The following AKT3 variants were observed in gnomAD, a reference collection of about 807,000 sequenced individuals.
AKT3 encodes the protein AKT serine/threonine kinase 3, also known as RAC-gamma serine/threonine-protein kinase.
Under a neutral mutation model 65.3 loss-of-function variants are expected in AKT3, and 15 were observed. The ratio of observed to expected loss-of-function variants is 0.23; its 90% CI spans 0.15 to 0.35. The LOEUF (loss-of-function observed/expected upper bound fraction) is 0.35. Ranked by LOEUF, AKT3 falls within the 10% of genes least tolerant of loss-of-function variation. AKT3 has a pLI of 1.00. For missense variants in AKT3, 243 were observed against 576.5 expected (o/e 0.42, Z 5.92); for synonymous variants, 206 against 183.8 (o/e 1.12, Z -0.98).
At chr1:243,640,116 C>T (rs1680261750) in intron 5 of AKT3, among the ~76,000 whole-genome samples, 1 of 151,964 alleles carries the variant, frequency 6.6e-6, no homozygotes, top group Non-Finnish European at 1.5e-5. Flanking sequence ...ATCTCTAGTT[C>T]AAAGATAAAG....
At chr1:243,847,596 G>C (rs557833077) in intron 1 of AKT3, among the ~76,000 whole-genome samples, 51 of 152,202 alleles carry the variant, frequency 3.4e-4, no homozygotes, top group Middle Eastern at 6.8e-3. Context: ...AAAAGCTACA[G>C]CTTAAAAAAT....
chr1:243,674,836 A>G (rs1683392107), intron 3 of AKT3, among the ~76,000 whole-genome samples: 1 of 152,196 alleles, frequency 6.6e-6, no homozygotes, highest in East Asian at 1.9e-4. Flanking sequence ...CTTTTAAAAA[A>G]ATTTTCAATT....
At chr1:243,521,062 C>T (rs1460033521) in intron 12 of AKT3, among the ~76,000 whole-genome samples, 4 of 152,276 alleles carry the variant, frequency 2.6e-5, no homozygotes, top group Non-Finnish European at 5.9e-5. Context: ...TAACAAGTCA[C>T]GTGCTACTAT....
chr1:243,555,060 G>A (rs1475139562), intron 10 of AKT3, among the ~76,000 whole-genome samples: 2 of 151,974 alleles, frequency 1.3e-5, no homozygotes, highest in East Asian at 3.9e-4. Context: ...AATGAATATC[G>A]ATTCTTAAAA....
intron 10 of AKT3, among the ~76,000 whole-genome samples, chr1:243,555,548 T>C (rs1047240980): frequency 2.0e-5 from 3 of 152,324 alleles, no homozygotes; most frequent in East Asian, 1.9e-4. Flanking sequence ...TATTATTCTA[T>C]AAATACATAA....
chr1:243,770,267 T>C (rs1690094860), intron 2 of AKT3, among the ~76,000 whole-genome samples: 1 of 152,136 alleles, frequency 6.6e-6, no homozygotes, highest in African/African-American at 2.4e-5. Flanking sequence ...CCATCAATAG[T>C]AAAATGATAG....
At chr1:243,634,645 G>T (rs1284244178) in intron 6 of AKT3, among the ~76,000 whole-genome samples, 1 of 151,734 alleles carries the variant, frequency 6.6e-6, no homozygotes, top group East Asian at 1.9e-4. Context: ...AACCAAAAGA[G>T]AAAAGGGGTG....
intron 12 of AKT3, among the ~76,000 whole-genome samples, chr1:243,515,985 A>AG (rs1347751111): frequency 2.0e-5 from 3 of 152,184 alleles, no homozygotes; most frequent in Non-Finnish European, 4.4e-5. Flanking sequence ...TCAAAAAAAA[A>AG]AAAAAATCTC....
chr1:243,589,891 T>C (rs1328685261), intron 8 of AKT3, among the ~76,000 whole-genome samples: 1 of 152,182 alleles, frequency 6.6e-6, no homozygotes, highest in East Asian at 1.9e-4. Context: ...GTGGTATATT[T>C]ATACAATGGA....
At chr1:243,580,103 A>G (rs1273452173) in intron 8 of AKT3, among the ~76,000 whole-genome samples, 1 of 152,212 alleles carries the variant, frequency 6.6e-6, no homozygotes, top group Admixed American at 6.5e-5. Context: ...ACATAGCAAG[A>G]TAGCAGATAA....
intron 10 of AKT3, 94 bp from the exon 11 acceptor site, chr1:243,553,037 T>TA: frequency 9.6e-7 from 1 of 1,038,508 alleles, no homozygotes; most frequent in East Asian, 2.7e-5. Flanking sequence ...AAATGAATCT[T>TA]AACTTTCAAA....
chr1:243,752,787 ATTAACAGTACTAGTTAGT>A (rs751697866), intron 2 of AKT3, among the ~76,000 whole-genome samples: 1 of 152,214 alleles, frequency 6.6e-6, no homozygotes, highest in Non-Finnish European at 1.5e-5. Context: ...ATAAAGGTCT[ATTAACAGTACTAGTTAGT>A]TTAACAGTAC....
At chr1:243,595,795 C>G (rs1418084568) in intron 8 of AKT3, among the ~76,000 whole-genome samples, 1 of 152,146 alleles carries the variant, frequency 6.6e-6, no homozygotes, top group African/African-American at 2.4e-5. Context: ...GGAATATCAC[C>G]TGAAGGACCC....
At chr1:243,821,480 C>T (rs1363250022) in intron 2 of AKT3, among the ~76,000 whole-genome samples, 1 of 152,150 alleles carries the variant, frequency 6.6e-6, no homozygotes, top group Non-Finnish European at 1.5e-5. Context: ...TTAAAAGACA[C>T]AGAATGGCTA....
intron 3 of AKT3, among the ~76,000 whole-genome samples, chr1:243,673,188 G>T (rs1216440487): frequency 6.6e-6 from 1 of 152,044 alleles, no homozygotes; most frequent in Non-Finnish European, 1.5e-5. Flanking sequence ...TTGTTGTGTG[G>T]GCAAGATGGT....
intron 6 of AKT3, among the ~76,000 whole-genome samples, chr1:243,620,333 T>C (rs1678636436): frequency 2.0e-5 from 2 of 98,384 alleles, no homozygotes; most frequent in African/African-American, 5.2e-5. Flanking sequence ...CTTTATAAAT[T>C]ACCCAATCTT....
intron 6 of AKT3, chr1:243,625,056 C>CTTTACAGAAAG: frequency 3.0e-6 from 1 of 330,278 alleles, no homozygotes; most frequent in East Asian, 8.1e-5. Flanking sequence ...GCCTCCTCCA[C>CTTTACAGAAAG]CCTTGCCCTT....
downstream of AKT3, among the ~76,000 whole-genome samples, chr1:243,494,940 A>G (rs1247345879): frequency 6.6e-6 from 1 of 152,178 alleles, no homozygotes; most frequent in Non-Finnish European, 1.5e-5. Context: ...TATTTTTAAC[A>G]CTTTCAAACA....
intron 8 of AKT3, among the ~76,000 whole-genome samples, chr1:243,599,961 G>C (rs1676894742): frequency 6.6e-6 from 1 of 151,998 alleles, no homozygotes; most frequent in African/African-American, 2.4e-5. Context: ...ACTAATATTA[G>C]TATGGCTAAT....
Sources: allele counts gnomAD v4.1 joint callset (sites outside exome capture counted in the v4.1 genomes callset), GRCh38; gene constraint gnomAD v4.1.1; transcripts MANE v1.5; gene names NCBI Gene and HGNC (gene_info 2026-07-23, HGNC 2026-07-21).